Variants in ELP1 observed in about 807,000 individuals in gnomAD.
ELP1 encodes elongator complex protein 1.
ELP1 carries 131 observed loss-of-function variants against 183.2 expected under a neutral mutation model. That is an observed-to-expected ratio of 0.72 (90% CI 0.62 to 0.83). ELP1 has a LOEUF of 0.83. ELP1 is among the 40% of genes least tolerant of loss of function. The pLI is 0.00. For missense variants in ELP1, 1,550 were observed against 1,594.9 expected, an observed-to-expected ratio of 0.97 and a Z score of 0.48; for synonymous variants, 555 against 569.0, an observed-to-expected ratio of 0.98 and a Z score of 0.35.
chr9:108,933,476 A>G (rs1163386249), intron 1 of ELP1, among the ~76,000 whole-genome samples: 1 of 152,252 alleles, frequency 6.6e-6, no homozygotes, highest in East Asian at 1.9e-4. Context: ...ATGGAGAAGC[A>G]CAGAGGACAC....
At chr9:108,892,075 T>C (rs1234195185) in intron 27 of ELP1, among the ~76,000 whole-genome samples, 3 of 152,242 alleles carry the variant, frequency 2.0e-5, no homozygotes, top group Admixed American at 6.5e-5. Flanking sequence ...GAATACAACA[T>C]GGAGTCCCTG....
intron 4 of ELP1, 75 bp downstream of exon 4, chr9:108,927,297 T>C (rs1407050476): frequency 3.2e-6 from 4 of 1,256,452 alleles, no homozygotes; most frequent in Middle Eastern, 1.8e-4. Context: ...TCAAGCAGCC[T>C]AAAGCTGATG....
At chr9:108,891,549 T>A in intron 27 of ELP1, 145 bp from the exon 28 acceptor site, 1 of 734,394 alleles carries the variant, frequency 1.4e-6, no homozygotes, top group Non-Finnish European at 2.3e-6. Flanking sequence ...GTTAGTACAG[T>A]CATTTTTTCA....
At position 108,879,644 on chromosome 9, in the gene ELP1, T is replaced by A. The variant is rs990738495; in HGVS notation, c.3461-87A>T. ...AGGGCGGTAAATGAACTAACTAGAGTCAACTGGTGCATATCAAAGGATGGA... is the reference window on the plus strand; with the variant it reads ...AGGGCGGTAAATGAACTAACTAGAGACAACTGGTGCATATCAAAGGATGGA... On this transcript the variant is annotated intron_variant, in intron 32 of 36. Transcript: ENST00000374647. 58 of 845,212 alleles carry A rather than the reference T, an allele frequency of 6.9e-5. 1 individual carries two copies. The highest frequency in any genetic ancestry group is 6.1e-6 in the Non-Finnish European group (3 of 493,038). The allele number at this position is 845,212 out of a possible 1,614,324, so 52.4% of individuals were successfully genotyped here.
At chr9:108,877,887 G>T (rs1462608422) in intron 35 of ELP1, 108 bp downstream of exon 35, 2 of 1,096,916 alleles carry the variant, frequency 1.8e-6, no homozygotes, top group African/African-American at 1.6e-5. Context: ...TTTAACTATG[G>T]CATCTTATGT....
In ELP1 at chr9:108,882,140, T is replaced by C. The variant is rs1487288025; in HGVS notation, c.3270A>G (p.Glu1090=). 11 of 1,613,542 alleles carry C rather than the reference T, an allele frequency of 6.8e-6. No homozygotes were observed. In the African/African-American group the frequency reaches 8.0e-5, roughly 12 times the overall value. The change falls in exon 30 of 37, where the codon GAA becomes GAG. Residue 1090 remains glutamate, a synonymous_variant. Coordinates refer to ENST00000374647, the MANE Select transcript of ELP1 (RefSeq NM_003640.5). ...VLLLLEGAAW[E]EALRLVYKYN... ...AGATTCTTACCAGCCTCAAAGCTTC[T>C]TCCCAGGCAGCTCCTTCTAACAGCA...
chr9:108,904,950 A>C (rs1450721991), intron 14 of ELP1, among the ~76,000 whole-genome samples: 1 of 152,236 alleles, frequency 6.6e-6, no homozygotes, highest in African/African-American at 2.4e-5. Flanking sequence ...CCTTTACAGC[A>C]AATGAGATGA....
chr9:108,890,394 G>C (rs989019733), intron 28 of ELP1, among the ~76,000 whole-genome samples: 2 of 152,178 alleles, frequency 1.3e-5, no homozygotes, highest in Non-Finnish European at 2.9e-5. Context: ...AATTTAACAG[G>C]ATAGAGTTTG....
chr9:108,926,929 AAACTCATCT>A (rs1184302954), intron 4 of ELP1, among the ~76,000 whole-genome samples: 1 of 152,186 alleles, frequency 6.6e-6, no homozygotes, highest in East Asian at 1.9e-4. Context: ...CTGGTTTACT[AAACTCATCT>A]GGAATGATGA....
At chr9:108,893,877 T>C in intron 26 of ELP1, 66 bp downstream of exon 26, 1 of 1,554,034 alleles carries the variant, frequency 6.4e-7, no homozygotes, top group Non-Finnish European at 8.9e-7. Flanking sequence ...AACAGTTTAA[T>C]TTATACCTTG....
At chr9:108,903,489 A>G in intron 15 of ELP1, 74 bp downstream of exon 15, 1 of 1,023,272 alleles carries the variant, frequency 9.8e-7, no homozygotes, top group Non-Finnish European at 1.5e-6. Context: ...AACTGACAAG[A>G]TACAAGTACA....
At chr9:108,912,066 G>C (rs1037233531) in intron 11 of ELP1, among the ~76,000 whole-genome samples, 198 bp downstream of exon 11, 1 of 152,136 alleles carries the variant, frequency 6.6e-6, no homozygotes, top group Non-Finnish European at 1.5e-5. Context: ...AGTATAACAG[G>C]AAACTGGTGG....
chr9:108,869,919 T>C (rs1827377088), intron 36 of ELP1, among the ~76,000 whole-genome samples: 1 of 152,220 alleles, frequency 6.6e-6, no homozygotes, highest in Non-Finnish European at 1.5e-5. Flanking sequence ...CAGTTGATCC[T>C]TGAATGTAGG....
At position 108,898,726 on chromosome 9, in the gene ELP1, T is replaced by A. The variant is rs1828653646; in HGVS notation, c.2228A>T (p.Glu743Val). Reference sequence around the variant, plus strand: ...ATTGATTCTCAGCTTTCTCATGCATTCAAATGCCTCTTTAAACATAAGTCT... The same window carrying A: ...ATTGATTCTCAGCTTTCTCATGCATACAAATGCCTCTTTAAACATAAGTCT... ...LDKLMFKEAF[E>V]CMRKLRINLN... Residue 743 changes from glutamate to valine, a missense_variant, in exon 21 of 37, where the codon GAA (glutamate) becomes GTA (valine). By Grantham distance (121) the Glu-to-Val change is moderately radical. Transcript: ENST00000374647. 1 of 1,611,730 alleles carries A rather than the reference T, an allele frequency of 6.2e-7. No individual in the cohort carries two copies. The highest frequency in any genetic ancestry group is 2.2e-5 in the East Asian group (1 of 44,830).
intron 35 of ELP1, 132 bp downstream of exon 35, chr9:108,877,863 T>C: frequency 1.1e-6 from 1 of 948,648 alleles, no homozygotes; most frequent in African/African-American, 1.6e-5. Context: ...AGCTTACACA[T>C]AAATCTAAGA....
intron 10 of ELP1, 41 bp downstream of exon 10, chr9:108,916,163 G>T: frequency 6.8e-7 from 1 of 1,467,898 alleles, no homozygotes; most frequent in Non-Finnish European, 9.6e-7. Flanking sequence ...TTTCAACTAC[G>T]TTTTATGGGG....
intron 11 of ELP1, among the ~76,000 whole-genome samples, chr9:108,911,702 A>T (rs1404311424): frequency 8.0e-6 from 1 of 124,712 alleles, no homozygotes; most frequent in East Asian, 2.3e-4. Flanking sequence ...ATCAGCAATG[A>T]AACTATTCAT....
At chr9:108,918,721 T>C (rs1829538260) in intron 8 of ELP1, 90 bp downstream of exon 8, 1 of 900,808 alleles carries the variant, frequency 1.1e-6, no homozygotes, top group Non-Finnish European at 1.9e-6. Context: ...CCTTTTGTGT[T>C]ACACAAACAT....
intron 31 of ELP1, among the ~76,000 whole-genome samples, chr9:108,880,408 G>A (rs148372329): frequency 2.0e-3 from 308 of 150,886 alleles, no homozygotes; most frequent in Non-Finnish European, 3.9e-3. Flanking sequence ...TCACCTGAAC[G>A]AAGACTTGAT....
Sources: allele counts gnomAD v4.1 joint callset (sites outside exome capture counted in the v4.1 genomes callset), GRCh38; gene constraint gnomAD v4.1.1; transcripts MANE v1.5; gene names NCBI Gene and HGNC (gene_info 2026-07-23, HGNC 2026-07-21).